Variants in VWA3A observed in about 807,000 individuals in gnomAD.
VWA3A encodes the protein von Willebrand factor A domain-containing protein 3A.
In VWA3A, 134 loss-of-function variants were observed where a neutral mutation model predicts 160.4. The observed-to-expected ratio is 0.84, with a 90% confidence interval of 0.73 to 0.96. The LOEUF is 0.96. VWA3A is among the 40% of genes least tolerant of loss of function. The probability of loss-of-function intolerance (pLI) is 0.00; values close to 1 mark genes in which losing one functional copy is unlikely to be tolerated. For missense variants in VWA3A, 1,310 were observed against 1,447.9 expected (o/e 0.90, Z 1.55); for synonymous variants, 476 against 543.4 (o/e 0.88, Z 1.72).
Position 22,141,674 on chromosome 16 carries a change from G to C in VWA3A, c.2476G>C (p.Glu826Gln). The change falls in exon 24 of 34, where the codon GAG becomes CAG. Residue 826 changes from glutamate (E) to glutamine (Q), a missense_variant. Transcript: ENST00000389398. ...AETSLLLFYT[E>Q]KGNDVGSVYK... ...GACATCTCTTTTACTGTTCTACACAGAGAAAGGGAATGACGTGGGTAAGTT... is the reference window on the plus strand; with the variant it reads ...GACATCTCTTTTACTGTTCTACACACAGAAAGGGAATGACGTGGGTAAGTT... 2 of 1,610,314 alleles carry C rather than the reference G, an allele frequency of 1.2e-6. No homozygotes were observed. Among genetic ancestry groups the C allele is most frequent in the South Asian group, 2.2e-5 (2 of 90,010 alleles).
At chr16:22,096,804 A>T in intron 1 of VWA3A, 55 bp from the exon 2 acceptor site, 1 of 1,193,572 alleles carries the variant, frequency 8.4e-7, no homozygotes, top group Non-Finnish European at 1.2e-6. Context: ...ACCCCCCAAA[A>T]CTATTGTCTG....
chr16:22,135,505 A>T (rs930145097), intron 21 of VWA3A, among the ~76,000 whole-genome samples: 1 of 152,116 alleles, frequency 6.6e-6, no homozygotes, highest in South Asian at 2.1e-4. Flanking sequence ...TCAGACTTCA[A>T]CATATCCTTT....
chr16:22,107,396 CCAATAGTGCCAAATGT>C (rs1266148993), intron 6 of VWA3A, among the ~76,000 whole-genome samples: 2 of 152,078 alleles, frequency 1.3e-5, no homozygotes, highest in Non-Finnish European at 2.9e-5. Flanking sequence ...GTGCCAAATG[CCAATAGTGCCAAATGT>C]CAATAGTGCC....
rs1027141786 is a variant in VWA3A at position 22,156,665 on chromosome 16, G to T, written c.*648G>T. The T allele has an allele frequency of 3.3e-5, 5 of 152,136 alleles. No homozygotes were observed. Among genetic ancestry groups the T allele is most frequent in the African/African-American group, 1.2e-4 (5 of 41,430 alleles). The allele number at this position is 152,136 out of a possible 1,614,324, so 9.4% of individuals were successfully genotyped here. A position where few individuals can be genotyped will look rare whatever the true frequency, so the allele number is the denominator to read the frequency against. On this transcript the variant is annotated 3_prime_UTR_variant, in exon 34 of 34. Transcript: ENST00000389398. ...GCTCTGGAAAGCAGCTGATGGGGTG[G>T]TCTCCACCCTGGTTCATAAGAGGCT...
rs1901365809 is a variant in VWA3A, at chr16:22,092,573, G to T, written c.-65G>T. 2 of 1,543,454 alleles carry T rather than the reference G, an allele frequency of 1.3e-6. No homozygotes were observed. The highest frequency in any genetic ancestry group is 2.5e-5 in the East Asian group (1 of 40,668). ...TTGGAGGAGCTTGGAGAAACCAGAA[G>T]TGAGATCCAGGAGAAGTAAGGCCCT... is the stretch of plus-strand genomic sequence containing the variant. On this transcript the variant is annotated 5_prime_UTR_variant, in exon 1 of 34. Coordinates refer to ENST00000389398, the MANE Select transcript of VWA3A (RefSeq NM_173615.5).
intron 18 of VWA3A, 81 bp from the exon 19 acceptor site, chr16:22,131,503 GA>G: frequency 3.8e-6 from 6 of 1,573,676 alleles, no homozygotes; most frequent in Admixed American, 1.8e-5. Context: ...GTCTGAGATG[GA>G]AAAGGCTCTC....
chr16:22,121,479 C>T (rs376121799), intron 13 of VWA3A, 35 bp from the exon 14 acceptor site: 223 of 1,525,104 alleles, frequency 1.5e-4, no homozygotes, highest in Non-Finnish European at 1.9e-4. Context: ...TGGAGCTTCT[C>T]AGGCAGTGCC....
intron 27 of VWA3A, among the ~76,000 whole-genome samples, chr16:22,146,871 C>A (rs1197283622): frequency 6.6e-6 from 1 of 152,134 alleles, no homozygotes. Context: ...TCACACGCAT[C>A]CCAGCCTGCT....
In VWA3A at chr16:22,123,147, C is replaced by A. The variant is rs376008317; in HGVS notation, c.1419C>A (p.Pro473=). The A allele has an allele frequency of 1.5e-5, 24 of 1,604,230 alleles. No homozygotes were observed. The highest frequency in any genetic ancestry group is 2.0e-5 in the Non-Finnish European group (23 of 1,175,278). ...GTVKNIHVDP[P]FLYKYQQQLS... ...TGAAGAACATTCATGTGGACCCACC[C>A]TTCCTCTATAAGTACCAGGTCAGTG... is the stretch of plus-strand genomic sequence containing the variant. Residue 473 remains proline (P), a synonymous_variant, in exon 15 of 34, where the codon CCC becomes CCA. Coordinates refer to ENST00000389398, the MANE Select transcript of VWA3A (RefSeq NM_173615.5).
At chr16:22,100,127 T>A in intron 3 of VWA3A, 67 bp from the exon 4 acceptor site, 1 of 1,478,348 alleles carries the variant, frequency 6.8e-7, no homozygotes, top group Non-Finnish European at 9.0e-7. Flanking sequence ...TGGGTATCTG[T>A]GTGAAGGGAA....
intron 6 of VWA3A, among the ~76,000 whole-genome samples, chr16:22,105,116 C>T (rs1441585148): frequency 2.6e-5 from 4 of 152,174 alleles, no homozygotes; most frequent in Non-Finnish European, 1.5e-5. Flanking sequence ...TATAGCTGGA[C>T]CCCTCTGGTT....
chr16:22,140,163 G>T lies in VWA3A; in HGVS notation c.2302G>T (p.Asp768Tyr). The stretch of plus-strand genomic sequence containing the variant: ...ATTGCCTGTTTTCTAGAGCATTAAA[G>T]ATGACCCTGACAGAGAGAAGAGCCC... The part of the protein sequence containing the change: ...VPLGARMSIK[D>Y]DPDREKSPPL... The change falls in exon 23 of 34, where the codon GAT becomes TAT. Residue 768 changes from aspartate (D) to tyrosine (Y), a missense_variant. Transcript: ENST00000389398. The T allele has an allele frequency of 6.2e-7, 1 of 1,613,432 alleles. No individual in the cohort carries two copies. The highest frequency in any genetic ancestry group is 8.5e-7 in the Non-Finnish European group (1 of 1,179,618).
chr16:22,130,912 T>A (rs751596291), intron 17 of VWA3A, among the ~76,000 whole-genome samples: 1 of 149,904 alleles, frequency 6.7e-6, no homozygotes, highest in Non-Finnish European at 1.5e-5. Flanking sequence ...GGAGGGGAAA[T>A]GTGCAGTGAG....
At chr16:22,143,411 C>G (rs534033100) in intron 25 of VWA3A, among the ~76,000 whole-genome samples, 1 of 152,154 alleles carries the variant, frequency 6.6e-6, no homozygotes, top group Non-Finnish European at 1.5e-5. Flanking sequence ...GGATAGTTGT[C>G]CCACAGCTAT....
chr16:22,121,995 A>C (rs2141914688), intron 14 of VWA3A, among the ~76,000 whole-genome samples: 1 of 152,288 alleles, frequency 6.6e-6, no homozygotes, highest in Admixed American at 6.5e-5. Flanking sequence ...ATGAAGTATA[A>C]AGAGGGCAAA....
intron 31 of VWA3A, among the ~76,000 whole-genome samples, chr16:22,154,106 A>T (rs993938667): frequency 6.6e-6 from 1 of 152,090 alleles, no homozygotes; most frequent in African/African-American, 2.4e-5. Context: ...TCTAGGGACA[A>T]GTATTATAAA....
At chr16:22,123,738 C>G in intron 16 of VWA3A, 31 bp downstream of exon 16, 1 of 1,592,044 alleles carries the variant, frequency 6.3e-7, no homozygotes, top group African/African-American at 1.3e-5. Context: ...TCTTATCCTT[C>G]ATGGGTCTGG....
At chr16:22,133,218 T>TA in intron 20 of VWA3A, 123 bp downstream of exon 20, 1 of 1,143,784 alleles carries the variant, frequency 8.7e-7, no homozygotes, top group East Asian at 2.6e-5. Context: ...TTTTAAAATG[T>TA]AAAACTGTTC....
intron 1 of VWA3A, among the ~76,000 whole-genome samples, chr16:22,094,534 G>T (rs1186859357): frequency 6.6e-6 from 1 of 151,334 alleles, no homozygotes; most frequent in Non-Finnish European, 1.5e-5. Flanking sequence ...GTATTTTTTT[G>T]GTTGCAAATA....
Sources: allele counts gnomAD v4.1 joint callset (sites outside exome capture counted in the v4.1 genomes callset), GRCh38; gene constraint gnomAD v4.1.1; transcripts MANE v1.5; gene names NCBI Gene and HGNC (gene_info 2026-07-23, HGNC 2026-07-21).